Variants in GNAZ observed in about 807,000 individuals in gnomAD.
GNAZ encodes the protein G protein subunit alpha z.
In GNAZ, 3 loss-of-function variants were observed where a neutral mutation model predicts 25.4. The ratio of observed to expected loss-of-function variants is 0.12; its 90% confidence interval spans 0.05 to 0.30. The LOEUF is 0.30. GNAZ is among the 10% of genes least tolerant of loss of function. The probability of loss-of-function intolerance (pLI) is 1.00; values close to 1 mark genes in which losing one functional copy is unlikely to be tolerated. For synonymous variants in GNAZ, 211 were observed against 205.7 expected (o/e 1.03, Z -0.22); for missense variants, 241 against 501.8 (o/e 0.48, Z 4.97).
At position 23,123,122 on chromosome 22, in the gene GNAZ, C is replaced by T; in HGVS notation, c.759C>T (p.Ser253=). ...CAGAGAGCTTGCGCCTCTTTGACTC[C>T]ATCTGCAACAACAACTGGTTCATCA... ...RMAESLRLFD[S]ICNNNWFINT... The change falls in exon 3 of 3, where the codon TCC becomes TCT. Residue 253 remains serine, a synonymous_variant. Transcript: ENST00000615612. 6.2e-7 allele frequency: 1 copy of T among 1,613,852 alleles called. No individual in the cohort carries two copies. The highest frequency in any genetic ancestry group is 8.5e-7 in the Non-Finnish European group (1 of 1,179,730).
At chr22:23,116,216 G>A (rs2069831670) in intron 2 of GNAZ, among the ~76,000 whole-genome samples, 1 of 152,258 alleles carries the variant, frequency 6.6e-6, no homozygotes, top group South Asian at 2.1e-4. Context: ...GGGCTGAGGG[G>A]CCTTCTGGGG....
chr22:23,083,649 G>A (rs1276566306), intron 1 of GNAZ, among the ~76,000 whole-genome samples: 2 of 152,286 alleles, frequency 1.3e-5, no homozygotes, highest in East Asian at 1.9e-4. Flanking sequence ...CATTGGAGGC[G>A]AAGGTGGGAG....
At chr22:23,111,730 GC>G (rs2069665685) in intron 2 of GNAZ, among the ~76,000 whole-genome samples, 1 of 152,184 alleles carries the variant, frequency 6.6e-6, no homozygotes, top group Non-Finnish European at 1.5e-5. Context: ...TACCTCCCAG[GC>G]CCCTTCCTCA....
At chr22:23,078,766 A>G (rs912655442) in intron 1 of GNAZ, among the ~76,000 whole-genome samples, 5 of 152,152 alleles carry the variant, frequency 3.3e-5, no homozygotes, top group African/African-American at 1.2e-4. Flanking sequence ...GGGCCATGCA[A>G]TGTATGTGGG....
At chr22:23,072,789 T>G (rs2068412166) in intron 1 of GNAZ, among the ~76,000 whole-genome samples, 1 of 152,224 alleles carries the variant, frequency 6.6e-6, no homozygotes. Context: ...CCCCAGCCTC[T>G]CAGTCCTTTT....
At chr22:23,109,504 C>CAAGG (rs2069583048) in intron 2 of GNAZ, among the ~76,000 whole-genome samples, 1 of 152,168 alleles carries the variant, frequency 6.6e-6, no homozygotes, top group African/African-American at 2.4e-5. Flanking sequence ...GTCTCAAGAC[C>CAAGG]AAGGGGACCC....
chr22:23,077,545 C>T (rs935773774), intron 1 of GNAZ, among the ~76,000 whole-genome samples: 5 of 152,114 alleles, frequency 3.3e-5, no homozygotes, highest in Admixed American at 1.3e-4. Flanking sequence ...TGGATGGCCA[C>T]GGAAACAAGG....
chr22:23,115,706 G>A (rs990441876), intron 2 of GNAZ, among the ~76,000 whole-genome samples: 3 of 152,188 alleles, frequency 2.0e-5, no homozygotes, highest in African/African-American at 7.2e-5. Flanking sequence ...CAAATGGAGG[G>A]GCCCCACCTG....
At position 23,087,362 on chromosome 22, in the gene GNAZ, G is replaced by T. The variant is rs1375135291; in HGVS notation, c.-449-7885G>T. On this transcript the variant is annotated intron_variant, in intron 1 of 2. Transcript: ENST00000615612. ...GTGCCTGCAGTCCCAGCTACTCGAG[G>T]CTCAGGTGGGAGGATCGCTTGAGCC... Among the ~76,000 whole-genome samples the T allele has an allele frequency of 2.0e-5, 3 of 152,160 alleles. No individual in the cohort carries two copies. In the East Asian group the frequency reaches 5.8e-4, roughly 29 times the overall value.
chr22:23,122,604 T>G, intron 2 of GNAZ: 1 of 164,124 alleles, frequency 6.1e-6, no homozygotes, highest in Non-Finnish European at 1.3e-5. Flanking sequence ...TTTGAAGGAC[T>G]GGGCCAGAAC....
At position 23,123,761 on chromosome 22, in the gene GNAZ, C is replaced by CGA; in HGVS notation, c.*330_*331insGA. ...CCTTCACTTTGCCTTCCTGAGTTGG[C>CGA]CCCACTCCACTTGGGGGTCTGCATT... On this transcript the variant is annotated 3_prime_UTR_variant, in exon 3 of 3. Coordinates refer to ENST00000615612, the MANE Select transcript of GNAZ (RefSeq NM_002073.4). 6 of 322,336 alleles carry CGA rather than the reference C, an allele frequency of 1.9e-5. No homozygotes were observed. The highest frequency in any genetic ancestry group is 4.4e-5 in the Admixed American group (1 of 22,568). 20.0% of individuals were successfully genotyped at this position (322,336 alleles called of 1,614,324 possible). A position where few individuals can be genotyped will look rare whatever the true frequency, so the allele number is the denominator to read the frequency against.
In GNAZ at chr22:23,124,435, G is replaced by C. The variant is rs1265928204; in HGVS notation, c.*1004G>C. 8 of 469,376 alleles carry C rather than the reference G, an allele frequency of 1.7e-5. No homozygotes were observed. In the East Asian group the frequency reaches 2.1e-4, roughly 12 times the overall value. 29.1% of individuals were successfully genotyped at this position (469,376 alleles called of 1,614,324 possible). Reference sequence around the variant, plus strand: ...TGGAGTGAGTGGCAGTCCTGCGCCAGCCTCGCGGGACACGTGTTGTACATA... The same window carrying C: ...TGGAGTGAGTGGCAGTCCTGCGCCACCCTCGCGGGACACGTGTTGTACATA... On this transcript the variant is annotated 3_prime_UTR_variant, in exon 3 of 3. Coordinates refer to ENST00000615612, the MANE Select transcript of GNAZ (RefSeq NM_002073.4).
chr22:23,081,208 G>A (rs773005916), intron 1 of GNAZ, among the ~76,000 whole-genome samples: 5 of 152,172 alleles, frequency 3.3e-5, no homozygotes, highest in South Asian at 4.1e-4. Context: ...TTCAGATTCC[G>A]GGTCCTTTGC....
At chr22:23,120,488 T>A (rs1037386643) in intron 2 of GNAZ, among the ~76,000 whole-genome samples, 1 of 152,178 alleles carries the variant, frequency 6.6e-6, no homozygotes, top group African/African-American at 2.4e-5. Flanking sequence ...ACACGTGAAC[T>A]GTTTCCGCAT....
At chr22:23,108,716 A>G (rs6003511) in intron 2 of GNAZ, among the ~76,000 whole-genome samples, 15,972 of 152,294 alleles carry the variant, frequency 0.1, 2,659 homozygotes, top group African/African-American at 0.35. Context: ...CTGCCTCATA[A>G]GCTGTGTCAT....
rs1601741396 is a variant in GNAZ, at chr22:23,071,611, C to T, written c.-450+1041C>T. The stretch of plus-strand genomic sequence containing the variant: ...CCCAGAGCTTGACGCTGGGGTGCAC[C>T]GGGTGGGAGTGGACTGGGCCTGCCC... On this transcript the variant is annotated intron_variant, in intron 1 of 2. Coordinates refer to ENST00000615612, the MANE Select transcript of GNAZ (RefSeq NM_002073.4). This position sits in a 1 kb window ranked among gnomAD's most constrained non-coding sequence, Gnocchi z 4.1. Among the ~76,000 whole-genome samples, 1 of 152,296 alleles carries T rather than the reference C, an allele frequency of 6.6e-6. No homozygotes were observed. Among genetic ancestry groups the T allele is most frequent in the East Asian group, 1.9e-4 (1 of 5,176 alleles).
chr22:23,082,377 ATT>A (rs34931887), intron 1 of GNAZ, among the ~76,000 whole-genome samples: 124 of 116,476 alleles, frequency 1.1e-3, no homozygotes, highest in South Asian at 2.9e-3. Flanking sequence ...ACACCTGGCT[ATT>A]TTTTTTTTTT....
chr22:23,121,124 C>T (rs2070013782), intron 2 of GNAZ, among the ~76,000 whole-genome samples: 1 of 152,216 alleles, frequency 6.6e-6, no homozygotes, highest in Non-Finnish European at 1.5e-5. Context: ...TGGCTCCTCT[C>T]TGCTCTGCTG....
chr22:23,122,846 A>C, intron 2 of GNAZ: 1 of 573,924 alleles, frequency 1.7e-6, no homozygotes, highest in Admixed American at 3.0e-5. Flanking sequence ...GGAGAGACCC[A>C]AAAGGGGCAA....
Sources: allele counts gnomAD v4.1 joint callset (sites outside exome capture counted in the v4.1 genomes callset), GRCh38; gene constraint gnomAD v4.1.1; non-coding constraint Gnocchi (gnomAD v3.1); transcripts MANE v1.5; gene names NCBI Gene and HGNC (gene_info 2026-07-23, HGNC 2026-07-21).